The following PLEKHA3 variants were observed in gnomAD, a reference collection of about 807,000 sequenced individuals.
PLEKHA3 encodes pleckstrin homology domain containing A3, also known as pleckstrin homology domain-containing family A member 3.
Under a neutral mutation model 39.2 loss-of-function variants are expected in PLEKHA3, and 19 were observed. The observed-to-expected ratio is 0.48, with a 90% CI of 0.34 to 0.71. The LOEUF is 0.71. Ranked by LOEUF, PLEKHA3 falls within the 30% of genes least tolerant of loss-of-function variation. PLEKHA3 has a pLI of 0.01. For missense variants in PLEKHA3, 253 were observed against 359.5 expected (o/e 0.70, Z 2.40); for synonymous variants, 97 against 118.6 (o/e 0.82, Z 1.18).
In PLEKHA3 at chr2:178,480,542, CCG is replaced by C. The variant is rs1685137977; in HGVS notation, c.-327_-326del. 2 of 211,730 alleles carry C rather than the reference CCG, an allele frequency of 9.4e-6. No homozygotes were observed. The highest frequency in any genetic ancestry group is 5.9e-5 in the Admixed American group (1 of 16,852). The allele number at this position is 211,730 out of a possible 1,614,324, so 13.1% of individuals were successfully genotyped here. On this transcript the variant is annotated 5_prime_UTR_variant, in exon 1 of 8. An upstream open reading frame in the 5' UTR loses its in-frame stop. Coordinates refer to ENST00000234453, the MANE Select transcript of PLEKHA3 (RefSeq NM_019091.4). ...GAAGGCAGGCGAGGAAGAGGCAGCG[CCG>C]GGGCGCCGGAGGGAGCAGCCGGGCT...
rs1685139804 is a variant in PLEKHA3 at position 178,480,592 on chromosome 2, G to C, written c.-278G>C. The C allele has an allele frequency of 7.3e-6, 2 of 272,770 alleles. No individual in the cohort carries two copies. The highest frequency in any genetic ancestry group is 4.5e-5 in the African/African-American group (2 of 44,798). The allele number at this position is 272,770 out of a possible 1,614,324, so 16.9% of individuals were successfully genotyped here. A position where few individuals can be genotyped will look rare whatever the true frequency, so the allele number is the denominator to read the frequency against. ...GCTGCGGAAGCGCGAGCAGGAGGCC[G>C]GTCGCGGGCGCATTTTTGCCGTTGT... On this transcript the variant is annotated 5_prime_UTR_variant, in exon 1 of 8. Coordinates refer to ENST00000234453, the MANE Select transcript of PLEKHA3 (RefSeq NM_019091.4).
Position 178,485,761 on chromosome 2 carries a change from A to C in PLEKHA3, c.157+4A>C, listed in dbSNP as rs1685239048. ...ATGGCAGTTTGTGAAATTAAAGGTAAGTGAATATACAGAATTAGAGGAATT... is the reference window on the plus strand; with the variant it reads ...ATGGCAGTTTGTGAAATTAAAGGTACGTGAATATACAGAATTAGAGGAATT... On this transcript the variant is annotated splice_donor_region_variant and intron_variant, in intron 2 of 7. Transcript: ENST00000234453. 6.3e-7 allele frequency: 1 copy of C among 1,589,416 alleles called. No individual in the cohort carries two copies. The highest frequency in any genetic ancestry group is 1.7e-5 in the Admixed American group (1 of 59,954).
chr2:178,502,201 A>G (rs1227411142), intron 7 of PLEKHA3: 1 of 185,408 alleles, frequency 5.4e-6, no homozygotes, highest in African/African-American at 2.4e-5. Context: ...ATTGCTGGTC[A>G]TTTTTGGATT....
intron 2 of PLEKHA3, among the ~76,000 whole-genome samples, chr2:178,490,430 A>G (rs941621429): frequency 6.6e-6 from 1 of 152,164 alleles, no homozygotes. Flanking sequence ...TTTCTTTTTC[A>G]TACTCTGTCA....
At chr2:178,489,920 T>C (rs1039733426) in intron 2 of PLEKHA3, among the ~76,000 whole-genome samples, 2 of 152,226 alleles carry the variant, frequency 1.3e-5, no homozygotes, top group African/African-American at 4.8e-5. Context: ...GTCAACTGTA[T>C]AGAAGCAAAG....
At chr2:178,491,291 A>G (rs1427835736) in intron 3 of PLEKHA3, among the ~76,000 whole-genome samples, 1 of 152,180 alleles carries the variant, frequency 6.6e-6, no homozygotes, top group African/African-American at 2.4e-5. Flanking sequence ...GATTACAGGC[A>G]TGAGCCACTG....
intron 4 of PLEKHA3, among the ~76,000 whole-genome samples, chr2:178,494,954 G>T (rs1387901810): frequency 2.8e-5 from 4 of 141,248 alleles, no homozygotes; most frequent in Non-Finnish European, 6.1e-5. Flanking sequence ...AGGAAAAAAT[G>T]AGCATTTAGT....
At chr2:178,489,623 G>T (rs1389048041) in intron 2 of PLEKHA3, among the ~76,000 whole-genome samples, 1 of 151,762 alleles carries the variant, frequency 6.6e-6, no homozygotes, top group Non-Finnish European at 1.5e-5. Flanking sequence ...GTACATGCTT[G>T]CACCACTATA....
At chr2:178,499,395 AT>A in intron 6 of PLEKHA3, 141 bp downstream of exon 6, 1 of 706,680 alleles carries the variant, frequency 1.4e-6, no homozygotes, top group South Asian at 2.5e-5. Context: ...ATCTCTCAGT[AT>A]TTATCTCCTA....
chr2:178,491,667 A>G (rs964653262), intron 3 of PLEKHA3, among the ~76,000 whole-genome samples: 2 of 152,200 alleles, frequency 1.3e-5, no homozygotes, highest in African/African-American at 2.4e-5. Flanking sequence ...GAAAATGACA[A>G]TTTCTTGATA....
chr2:178,480,848 G>T lies in PLEKHA3; in HGVS notation c.-22G>T. The T allele has an allele frequency of 1.5e-6, 2 of 1,319,422 alleles. No individual in the cohort carries two copies. The highest frequency in any genetic ancestry group is 1.9e-6 in the Non-Finnish European group (2 of 1,026,036). 81.7% of individuals were successfully genotyped at this position (1,319,422 alleles called of 1,614,324 possible). A position where few individuals can be genotyped will look rare whatever the true frequency, so the allele number is the denominator to read the frequency against. ...GCGGCCGGCGCCGGGCCGGGAGGAT[G>T]CGCGGTGTGGGGCTCTGAAGCATGG... On this transcript the variant is annotated 5_prime_UTR_variant, in exon 1 of 8. It removes an upstream start codon present in the reference 5' UTR. Transcript: ENST00000234453.
chr2:178,486,332 G>C (rs1394333708), intron 2 of PLEKHA3, among the ~76,000 whole-genome samples: 1 of 152,178 alleles, frequency 6.6e-6, no homozygotes, highest in Non-Finnish European at 1.5e-5. Context: ...TGTGGTTGGA[G>C]TGTGTGGGGT....
Position 178,508,709 on chromosome 2 carries a change from A to C in PLEKHA3, c.*4822A>C, listed in dbSNP as rs1481472688. ...ATAGTAGGGTAAGAAAAGACAGCTG[A>C]GGACCCCAAGATTTGTATGATGACT... is the stretch of plus-strand genomic sequence containing the variant. On this transcript the variant is annotated 3_prime_UTR_variant, in exon 8 of 8. Coordinates refer to ENST00000234453, the MANE Select transcript of PLEKHA3 (RefSeq NM_019091.4). The C allele has an allele frequency of 6.5e-6, 1 of 153,708 alleles. No homozygotes were observed. The highest frequency in any genetic ancestry group is 1.5e-5 in the Non-Finnish European group (1 of 68,022). 9.5% of individuals were successfully genotyped at this position (153,708 alleles called of 1,614,324 possible). A position where few individuals can be genotyped will look rare whatever the true frequency, so the allele number is the denominator to read the frequency against.
intron 6 of PLEKHA3, among the ~76,000 whole-genome samples, chr2:178,500,293 A>G (rs1161288696): frequency 2.0e-5 from 3 of 152,108 alleles, no homozygotes; most frequent in African/African-American, 7.2e-5. Flanking sequence ...TCAAATACTC[A>G]GAGGAATCCA....
Position 178,493,938 on chromosome 2 carries a change from A to G in PLEKHA3, c.399A>G (p.Thr133=), listed in dbSNP as rs2303536. 0.17 allele frequency: 280,971 copies of G among 1,612,868 alleles called. 31,431 individuals carry two copies. Among genetic ancestry groups the G allele is most frequent in the East Asian group, 0.63 (28,140 of 44,840 alleles). The change falls in exon 4 of 8, where the codon ACA becomes ACG. Residue 133 remains threonine (T), a synonymous_variant. Coordinates refer to ENST00000234453, the MANE Select transcript of PLEKHA3 (RefSeq NM_019091.4). ...ACCTCTTAATGCAGCAAGTTCATACAATACAGGAATTTGTTCACCATGATG... is the reference window on the plus strand; with the variant it reads ...ACCTCTTAATGCAGCAAGTTCATACGATACAGGAATTTGTTCACCATGATG... ...YCDLLMQQVH[T]IQEFVHHDEN...
chr2:178,505,298 G>C lies in PLEKHA3; in HGVS notation c.*1411G>C, dbSNP rs1424939514. The C allele has an allele frequency of 6.6e-6, 1 of 151,752 alleles. No individual in the cohort carries two copies. Among genetic ancestry groups the C allele is most frequent in the Non-Finnish European group, 1.5e-5 (1 of 67,800 alleles). The allele number at this position is 151,752 out of a possible 1,614,324, so 9.4% of individuals were successfully genotyped here. ...TTAAAATAATTAATATTTGGTATTT[G>C]TTTAAAAAACTGTAATTATAGGCCT... On this transcript the variant is annotated 3_prime_UTR_variant, in exon 8 of 8. Coordinates refer to ENST00000234453, the MANE Select transcript of PLEKHA3 (RefSeq NM_019091.4).
Position 178,507,914 on chromosome 2 carries a change from A to T in PLEKHA3, c.*4027A>T, listed in dbSNP as rs1319570743. On this transcript the variant is annotated 3_prime_UTR_variant, in exon 8 of 8. Coordinates refer to ENST00000234453, the MANE Select transcript of PLEKHA3 (RefSeq NM_019091.4). Reference sequence around the variant, plus strand: ...GTTCCTTTACCTGGGATCTGTTTTTACACTCTGTAAGCTTTTAGGAACTTC... The same window carrying T: ...GTTCCTTTACCTGGGATCTGTTTTTTCACTCTGTAAGCTTTTAGGAACTTC... 6.5e-6 allele frequency: 1 copy of T among 153,212 alleles called. No homozygotes were observed. The highest frequency in any genetic ancestry group is 1.5e-5 in the Non-Finnish European group (1 of 67,934). The allele number at this position is 153,212 out of a possible 1,614,324, so 9.5% of individuals were successfully genotyped here.
Position 178,508,355 on chromosome 2 carries a change from T to G in PLEKHA3, c.*4468T>G, listed in dbSNP as rs1242952009. On this transcript the variant is annotated 3_prime_UTR_variant, in exon 8 of 8. Coordinates refer to ENST00000234453, the MANE Select transcript of PLEKHA3 (RefSeq NM_019091.4). Reference sequence around the variant, plus strand: ...AAAAACCTATTTTTATTTTATAGATTAACTGTTTCCCCATATCTCCCTGAG... The same window carrying G: ...AAAAACCTATTTTTATTTTATAGATGAACTGTTTCCCCATATCTCCCTGAG... The G allele has an allele frequency of 6.6e-6, 1 of 152,110 alleles. No individual in the cohort carries two copies. Among genetic ancestry groups the G allele is most frequent in the Non-Finnish European group, 1.5e-5 (1 of 68,006 alleles). 9.4% of individuals were successfully genotyped at this position (152,110 alleles called of 1,614,324 possible).
Position 178,512,390 on chromosome 2 carries a change from AGAT to A in PLEKHA3, c.*8506_*8508del, listed in dbSNP as rs1321332602. On this transcript the variant is annotated 3_prime_UTR_variant, in exon 8 of 8. Coordinates refer to ENST00000234453, the MANE Select transcript of PLEKHA3 (RefSeq NM_019091.4). ...ATGGGTAATATATTCAGAATATTAAAGATGAGTAAAATGTATGACTATAATGAA... is the reference window on the plus strand; with the variant it reads ...ATGGGTAATATATTCAGAATATTAAAGAGTAAAATGTATGACTATAATGAA... 2.0e-5 allele frequency: 3 copies of A among 152,238 alleles called. No homozygotes were observed. Among genetic ancestry groups the A allele is most frequent in the African/African-American group, 7.2e-5 (3 of 41,466 alleles). The allele number at this position is 152,238 out of a possible 1,614,324, so 9.4% of individuals were successfully genotyped here.
Sources: allele counts gnomAD v4.1 joint callset (sites outside exome capture counted in the v4.1 genomes callset), GRCh38; gene constraint gnomAD v4.1.1; transcripts MANE v1.5; gene names NCBI Gene and HGNC (gene_info 2026-07-23, HGNC 2026-07-21).